XKR6: variants seen among roughly 807,000 people sequenced by gnomAD.
XKR6 encodes XK related 6.
Under a neutral mutation model 56.7 loss-of-function variants are expected in XKR6, and 22 were observed. That is an observed-to-expected ratio of 0.39 (90% CI 0.28 to 0.55). The LOEUF is 0.55. Among genes scored for constraint, XKR6 ranks in the 20% least tolerant of loss-of-function variants. XKR6 has a pLI of 0.66. For missense variants in XKR6, 852 were observed against 889.0 expected (o/e 0.96, Z 0.53); for synonymous variants, 524 against 387.8 (o/e 1.35, Z -4.13).
chr8:10,971,308 C>T (rs1261847348), intron 1 of XKR6, among the ~76,000 whole-genome samples: 3 of 151,802 alleles, frequency 2.0e-5, no homozygotes, highest in Non-Finnish European at 4.4e-5. Context: ...GTAGTCCCGG[C>T]TACTCGGGAG....
intron 1 of XKR6, among the ~76,000 whole-genome samples, chr8:11,144,767 C>T (rs761018327): frequency 1.3e-5 from 2 of 151,872 alleles, no homozygotes; most frequent in Non-Finnish European, 2.9e-5. Context: ...ATTTTGACTC[C>T]GTAAGATAAT....
At chr8:11,046,993 G>A (rs534098086) in intron 1 of XKR6, among the ~76,000 whole-genome samples, 7 of 151,918 alleles carry the variant, frequency 4.6e-5, no homozygotes, top group Non-Finnish European at 8.8e-5. Flanking sequence ...AGGGGCTGGG[G>A]AGAAGGGAAA....
intron 1 of XKR6, chr8:11,105,810 T>C (rs1798654575): frequency 6.6e-6 from 1 of 152,210 alleles, no homozygotes; most frequent in African/African-American, 2.4e-5. Context: ...CAACTCTCAC[T>C]GGGGAAATAC....
intron 1 of XKR6, among the ~76,000 whole-genome samples, chr8:11,142,635 C>T (rs561068995): frequency 6.6e-6 from 1 of 152,156 alleles, no homozygotes; most frequent in Admixed American, 6.5e-5. Context: ...ATGTGAGATG[C>T]CTTCTCCCCC....
Position 11,156,584 on chromosome 8 carries a change from C to A in XKR6, c.764+43992G>T, listed in dbSNP as rs546604849. On this transcript the variant is annotated intron_variant, in intron 1 of 2. Transcript: ENST00000416569. Reference sequence around the variant, plus strand: ...ATCAGTTTGTCAAAGAGGCATGTGACCCCAAAGAAGTTAAAAATTATTGCC... The same window carrying A: ...ATCAGTTTGTCAAAGAGGCATGTGAACCCAAAGAAGTTAAAAATTATTGCC... Among the ~76,000 whole-genome samples, 7 of 152,180 alleles carry A rather than the reference C, an allele frequency of 4.6e-5. No individual in the cohort carries two copies. The East Asian group carries it at 1.2e-3, about 25-fold the overall frequency.
intron 1 of XKR6, among the ~76,000 whole-genome samples, chr8:10,962,973 T>C (rs971326020): frequency 2.0e-5 from 3 of 152,222 alleles, no homozygotes; most frequent in Non-Finnish European, 4.4e-5. Flanking sequence ...GGCCCCTTTT[T>C]GAATCTCTAA....
At chr8:10,967,318 T>C (rs1802255880) in intron 1 of XKR6, among the ~76,000 whole-genome samples, 2 of 152,138 alleles carry the variant, frequency 1.3e-5, no homozygotes, top group South Asian at 2.1e-4. Context: ...TGCTTCACTG[T>C]AGGGGCGTGA....
At chr8:11,099,768 G>C (rs915573716) in intron 1 of XKR6, among the ~76,000 whole-genome samples, 1 of 152,194 alleles carries the variant, frequency 6.6e-6, no homozygotes, top group Non-Finnish European at 1.5e-5. Context: ...CATATATTTA[G>C]CGGAGGAGAC....
intron 1 of XKR6, among the ~76,000 whole-genome samples, chr8:11,120,838 G>A (rs1252079274): frequency 6.6e-6 from 1 of 152,142 alleles, no homozygotes; most frequent in South Asian, 2.1e-4. Flanking sequence ...CCAAAACAGA[G>A]ATATAGACCA....
chr8:11,166,667 G>C (rs989488230), intron 1 of XKR6, among the ~76,000 whole-genome samples: 1 of 152,042 alleles, frequency 6.6e-6, no homozygotes, highest in African/African-American at 2.4e-5. Context: ...CTGCCTCCTA[G>C]GTTCAAGCGA....
chr8:11,195,233 T>C, intron 1 of XKR6: 1 of 699,682 alleles, frequency 1.4e-6, no homozygotes, highest in Non-Finnish European at 2.6e-6. Flanking sequence ...TGCAACATTA[T>C]AAAAAATAAT....
At position 10,898,140 on chromosome 8, in the gene XKR6, G is replaced by C; in HGVS notation, c.1738C>G (p.Pro580Ala). ...PPTPLGRPYL[P>A]EGPLIKIDMP... ...TCAATCTTAATGAGGGGCCCTTCTG[G>C]GAGGTAAGGACGCCCCAACGGGGTA... The change falls in exon 3 of 3, where the codon CCA (proline) becomes GCA (alanine). Residue 580 changes from proline (P) to alanine (A), a missense_variant. Transcript: ENST00000416569. This position sits in a 1 kb window ranked among gnomAD's most constrained non-coding sequence, Gnocchi z 6.6. The C allele has an allele frequency of 7.4e-6, 12 of 1,614,084 alleles. No individual in the cohort carries two copies. Among genetic ancestry groups the C allele is most frequent in the Non-Finnish European group, 1.0e-5 (12 of 1,179,972 alleles).
intron 1 of XKR6, among the ~76,000 whole-genome samples, chr8:10,997,451 C>G (rs1395978959): frequency 6.6e-6 from 1 of 152,182 alleles, no homozygotes; most frequent in African/African-American, 2.4e-5. Context: ...GGGTGGCGGT[C>G]TGAGCTCAGC....
intron 1 of XKR6, chr8:11,128,869 C>G: frequency 4.4e-6 from 2 of 456,870 alleles, no homozygotes; most frequent in South Asian, 3.1e-5. Context: ...TCAGCCAAGC[C>G]ACCATCATCT....
chr8:11,074,152 CTG>C (rs1405365845), intron 1 of XKR6, among the ~76,000 whole-genome samples: 1 of 152,230 alleles, frequency 6.6e-6, no homozygotes, highest in Non-Finnish European at 1.5e-5. Flanking sequence ...AACAGGGAAT[CTG>C]AGTATTTCTC....
In XKR6 at chr8:10,898,162, G is replaced by A; in HGVS notation, c.1716C>T (p.Thr572=). 1 of 1,614,076 alleles carries A rather than the reference G, an allele frequency of 6.2e-7. No homozygotes were observed. Among genetic ancestry groups the A allele is most frequent in the African/African-American group, 1.3e-5 (1 of 75,032 alleles). ...CTGGGAGGTAAGGACGCCCCAACGG[G>A]GTAGGGGGCCCCATGGGTCTCACTT... The part of the protein sequence containing the change: ...VFQVRPMGPP[T]PLGRPYLPEG... The change falls in exon 3 of 3, where the codon ACC becomes ACT. Residue 572 remains threonine (T), a synonymous_variant. Transcript: ENST00000416569. The surrounding 1 kb of genome is among the most constrained non-coding windows in gnomAD (Gnocchi z 6.6).
chr8:10,908,108 C>G (rs1200093671), intron 2 of XKR6, among the ~76,000 whole-genome samples: 2 of 152,230 alleles, frequency 1.3e-5, no homozygotes, highest in African/African-American at 2.4e-5. Context: ...GTGGCTGAGA[C>G]TTGCTCTGGC....
chr8:11,028,485 G>A (rs143589224), intron 1 of XKR6, among the ~76,000 whole-genome samples: 1 of 152,334 alleles, frequency 6.6e-6, no homozygotes, highest in East Asian at 1.9e-4. Context: ...ATGCTGGATT[G>A]TATAAGACTA....
chr8:11,142,382 G>C (rs1243965367), intron 1 of XKR6, among the ~76,000 whole-genome samples: 1 of 152,162 alleles, frequency 6.6e-6, no homozygotes, highest in East Asian at 1.9e-4. Flanking sequence ...GTCAATTTAA[G>C]GAGGCTCCCT....
Sources: gnomAD v4.1 joint callset for allele counts (sites outside exome capture counted in the v4.1 genomes callset) on GRCh38, gnomAD v4.1.1 for gene constraint, Gnocchi (gnomAD v3.1) non-coding constraint, MANE v1.5 for transcripts, NCBI Gene and HGNC (gene_info 2026-07-23, HGNC 2026-07-21) for gene names.